The following GALNT10 variants were observed in gnomAD, a reference collection of about 807,000 sequenced individuals.
The protein encoded by GALNT10 is polypeptide N-acetylgalactosaminyltransferase 10.
In GALNT10, 41 loss-of-function variants were observed where a neutral mutation model predicts 75.0. The observed-to-expected ratio is 0.55, with a 90% CI of 0.43 to 0.71. The LOEUF is 0.71. Ranked by LOEUF, GALNT10 falls within the 30% of genes least tolerant of loss-of-function variation. The pLI is 0.00. For missense variants in GALNT10, 727 were observed against 818.5 expected (o/e 0.89, Z 1.36); for synonymous variants, 302 against 313.0 (o/e 0.96, Z 0.37).
chr5:154,328,428 T>A (rs1489751873), intron 3 of GALNT10, among the ~76,000 whole-genome samples: 18 of 152,168 alleles, frequency 1.2e-4, no homozygotes, highest in Non-Finnish European at 1.0e-4. Flanking sequence ...TCATTTCTCC[T>A]CCATTGGAGA....
At chr5:154,359,600 T>G (rs1378478718) in intron 4 of GALNT10, among the ~76,000 whole-genome samples, 1 of 150,088 alleles carries the variant, frequency 6.7e-6, no homozygotes, top group Non-Finnish European at 1.5e-5. Flanking sequence ...AACTTGTAAA[T>G]CCTATATCCT....
intron 3 of GALNT10, among the ~76,000 whole-genome samples, chr5:154,320,340 T>C (rs959779958): frequency 3.9e-5 from 6 of 152,308 alleles, no homozygotes; most frequent in African/African-American, 1.4e-4. Flanking sequence ...CCTTAATGCA[T>C]GATGGTGTTT....
chr5:154,329,567 T>C lies in GALNT10; in HGVS notation c.402-5T>C, dbSNP rs769839512. The stretch of plus-strand genomic sequence containing the variant: ...TCCTCTGCCTCCCCTTATGTTTCCC[T>C]CTAGCTGCAACAGCAAGCGCTACCT... On this transcript the variant is annotated splice_region_variant and splice_polypyrimidine_tract_variant and intron_variant, in intron 3 of 11. Transcript: ENST00000297107. 1 of 1,613,060 alleles carries C rather than the reference T, an allele frequency of 6.2e-7. No homozygotes were observed. Among genetic ancestry groups the C allele is most frequent in the Non-Finnish European group, 8.5e-7 (1 of 1,179,086 alleles).
chr5:154,374,828 C>G (rs140755221), intron 4 of GALNT10, among the ~76,000 whole-genome samples: 10 of 152,338 alleles, frequency 6.6e-5, no homozygotes, highest in Admixed American at 2.0e-4. Context: ...AGAGGGCAGA[C>G]TTTAAGCTCA....
chr5:154,295,792 C>T (rs1754263645), intron 2 of GALNT10, among the ~76,000 whole-genome samples: 1 of 152,210 alleles, frequency 6.6e-6, no homozygotes, highest in South Asian at 2.1e-4. Flanking sequence ...CCTGCTTTGA[C>T]AACCTCAGGA....
At chr5:154,383,669 A>G (rs1755766469) in intron 6 of GALNT10, among the ~76,000 whole-genome samples, 2 of 152,190 alleles carry the variant, frequency 1.3e-5, no homozygotes. Flanking sequence ...TTCATGTGCA[A>G]AGCCTTGAGT....
chr5:154,407,427 G>C (rs1400580895), intron 8 of GALNT10, among the ~76,000 whole-genome samples: 2 of 152,208 alleles, frequency 1.3e-5, no homozygotes, highest in Non-Finnish European at 2.9e-5. Flanking sequence ...GTGTCTGGAA[G>C]ATACAATTAT....
chr5:154,277,284 T>G (rs1414605514), intron 1 of GALNT10, among the ~76,000 whole-genome samples: 1 of 151,560 alleles, frequency 6.6e-6, no homozygotes, highest in East Asian at 1.9e-4. Context: ...CTCTAACATC[T>G]TTCTAGCATA....
chr5:154,270,653 G>T (rs1451525674), intron 1 of GALNT10, among the ~76,000 whole-genome samples: 1 of 152,080 alleles, frequency 6.6e-6, no homozygotes, highest in East Asian at 1.9e-4. Flanking sequence ...TCCAGATGAA[G>T]AGACTGAGGC....
intron 1 of GALNT10, among the ~76,000 whole-genome samples, chr5:154,290,988 A>G (rs1369261082): frequency 2.0e-5 from 3 of 152,200 alleles, no homozygotes; most frequent in South Asian, 2.1e-4. Context: ...GGTTTAGGGA[A>G]GGTATAAGGA....
chr5:154,224,161 G>A (rs1251769182), intron 1 of GALNT10, among the ~76,000 whole-genome samples: 1 of 152,200 alleles, frequency 6.6e-6, no homozygotes, highest in African/African-American at 2.4e-5. Context: ...GCAGCGGGGA[G>A]GGGAAGTATT....
intron 1 of GALNT10, among the ~76,000 whole-genome samples, chr5:154,207,015 C>T (rs780830523): frequency 6.6e-6 from 1 of 152,294 alleles, no homozygotes; most frequent in Non-Finnish European, 1.5e-5. Context: ...AGATGTGTAA[C>T]GTGCAGCCTT....
chr5:154,221,769 C>T (rs1195140884), intron 1 of GALNT10, among the ~76,000 whole-genome samples: 2 of 152,196 alleles, frequency 1.3e-5, no homozygotes, highest in African/African-American at 2.4e-5. Flanking sequence ...TACAGCACTC[C>T]GCAGTGCGAC....
chr5:154,275,795 G>C (rs2113045406), intron 1 of GALNT10, among the ~76,000 whole-genome samples: 1 of 152,234 alleles, frequency 6.6e-6, no homozygotes, highest in East Asian at 1.9e-4. Context: ...AAATGTGCCT[G>C]GCACTTTTAT....
chr5:154,221,458 A>G (rs1752977114), intron 1 of GALNT10, among the ~76,000 whole-genome samples: 1 of 152,170 alleles, frequency 6.6e-6, no homozygotes, highest in Admixed American at 6.5e-5. Flanking sequence ...CACATCCTGC[A>G]CAGAGCTCCT....
chr5:154,220,285 T>C (rs574481301), intron 1 of GALNT10: 1 of 152,338 alleles, frequency 6.6e-6, no homozygotes, highest in Admixed American at 6.5e-5. Flanking sequence ...TAGTACTCAG[T>C]GACACTGCCT....
chr5:154,324,790 C>T (rs963767692), intron 3 of GALNT10, among the ~76,000 whole-genome samples: 1 of 152,130 alleles, frequency 6.6e-6, no homozygotes, highest in Non-Finnish European at 1.5e-5. Context: ...TGTTTTAGAA[C>T]TCAGTAAGTT....
intron 1 of GALNT10, among the ~76,000 whole-genome samples, chr5:154,268,378 ACT>A (rs1241308559): frequency 6.6e-6 from 1 of 152,128 alleles, no homozygotes; most frequent in African/African-American, 2.4e-5. Flanking sequence ...GGCTAAAGAG[ACT>A]CAGCCAAACA....
intron 1 of GALNT10, among the ~76,000 whole-genome samples, chr5:154,293,625 C>CTTTTT (rs1320287927): frequency 3.9e-5 from 5 of 128,072 alleles, no homozygotes; most frequent in South Asian, 4.4e-4. Context: ...TTTTTTTTTC[C>CTTTTT]TTTCAGCCAT....
Sources: gnomAD v4.1 joint callset for allele counts (sites outside exome capture counted in the v4.1 genomes callset) on GRCh38, gnomAD v4.1.1 for gene constraint, MANE v1.5 for transcripts, NCBI Gene and HGNC (gene_info 2026-07-23, HGNC 2026-07-21) for gene names.